Variants in ASMT observed in about 807,000 individuals in gnomAD.
ASMT encodes acetylserotonin N-methyltransferase.
Under a neutral mutation model 41.3 loss-of-function variants are expected in ASMT, and 53 were observed. That is an observed-to-expected ratio of 1.28 (90% confidence interval 1.03 to 1.61). The LOEUF (loss-of-function observed/expected upper bound fraction) is 1.61. Among genes scored for constraint, ASMT ranks in the 40% most tolerant of loss-of-function variants. The probability of loss-of-function intolerance (pLI) is 0.00; values close to 1 mark genes in which losing one functional copy is unlikely to be tolerated. For missense variants in ASMT, 531 were observed against 441.3 expected (o/e 1.20, Z -1.82); for synonymous variants, 231 against 184.8 (o/e 1.25, Z -2.03).
chrX:1,625,104 C>CTTTTTTTTTTTTTTTTTTTTT (rs1330663748), intron 3 of ASMT, among the ~76,000 whole-genome samples: 1 of 127,354 alleles, frequency 7.9e-6, no homozygotes, highest in African/African-American at 3.1e-5. Context: ...CTTTTCTTTT[C>CTTTTTTTTTTTTTTTTTTTTT]TTTCTTTTTT....
intron 1 of ASMT, among the ~76,000 whole-genome samples, chrX:1,618,480 G>C (rs1934219103): frequency 6.7e-6 from 1 of 150,172 alleles, no homozygotes; most frequent in Non-Finnish European, 1.5e-5. Flanking sequence ...TTGTAGTTTT[G>C]GTAGAGATGA....
chrX:1,619,380 C>T (rs1246182811), intron 1 of ASMT, among the ~76,000 whole-genome samples: 18 of 135,062 alleles, frequency 1.3e-4, no homozygotes, highest in Admixed American at 2.3e-4. Context: ...GGGGGCAGAG[C>T]GGGACCCTGT....
intron 3 of ASMT, among the ~76,000 whole-genome samples, chrX:1,625,029 C>T (rs1470476482): frequency 1.8e-4 from 28 of 152,196 alleles, no homozygotes; most frequent in East Asian, 5.8e-4. Flanking sequence ...TCAGGACTAC[C>T]GCCAGGGGCT....
intron 7 of ASMT, among the ~76,000 whole-genome samples, chrX:1,634,657 C>CCT (rs1556129636): frequency 1.4e-4 from 21 of 150,236 alleles, no homozygotes; most frequent in Non-Finnish European, 1.0e-4. Flanking sequence ...GAGTTAACCC[C>CCT]CCCCCTTTTT....
At chrX:1,642,611 A>T (rs1437295937) in intron 8 of ASMT, among the ~76,000 whole-genome samples, 192 bp from the exon 9 acceptor site, 1 of 151,598 alleles carries the variant, frequency 6.6e-6, no homozygotes, top group African/African-American at 2.4e-5. Flanking sequence ...TGATGGGGAC[A>T]GTGTCCCAGC....
chrX:1,636,517 G>A lies in ASMT; in HGVS notation c.867G>A (p.Lys289=), dbSNP rs752979222. The A allele has an allele frequency of 3.7e-5, 60 of 1,613,804 alleles. No homozygotes were observed. The highest frequency in any genetic ancestry group is 4.9e-5 in the Non-Finnish European group (58 of 1,179,870). The change falls in exon 8 of 9, where the codon AAG becomes AAA. Residue 289 remains lysine, a synonymous_variant. Coordinates refer to ENST00000381241, the MANE Select transcript of ASMT (RefSeq NM_001171038.2). ...ARVLHDWADG[K]CSHLLERIYH... ...TCCTCCATGACTGGGCAGACGGAAA[G>A]TGCTCACACCTGCTGGAGAGGATCT...
In ASMT at chrX:1,621,610, G is replaced by A. The variant is rs1167556729; in HGVS notation, c.70-1529G>A. 2.6e-5 allele frequency among the ~76,000 whole-genome samples: 4 copies of A among 151,004 alleles called. No individual in the cohort carries two copies. In the East Asian group the frequency reaches 6.0e-4, roughly 23 times the overall value. On this transcript the variant is annotated intron_variant, in intron 1 of 8. Transcript: ENST00000381241. ...TGGGATTACAGGCGTGAGCTACCAC[G>A]CCTGGCTGATTTATTCATTTTTTAT...
intron 8 of ASMT, among the ~76,000 whole-genome samples, chrX:1,641,684 T>C (rs1935176913): frequency 6.8e-6 from 1 of 146,652 alleles, no homozygotes; most frequent in African/African-American, 2.5e-5. Context: ...ACACAGCCTC[T>C]CTGTGTGAGA....
chrX:1,636,258 C>A, intron 7 of ASMT, 180 bp from the exon 8 acceptor site: 1 of 945,954 alleles, frequency 1.1e-6, no homozygotes, highest in Non-Finnish European at 1.7e-6. Flanking sequence ...CGCCCGACCT[C>A]AGTATTTTCT....
Position 1,642,404 on chromosome X carries a change from T to A in ASMT, c.911-399T>A, listed in dbSNP as rs1298703526. Among the ~76,000 whole-genome samples the A allele has an allele frequency of 3.5e-5, 5 of 143,270 alleles. No individual in the cohort carries two copies. In the East Asian group the frequency reaches 1.1e-3, roughly 30 times the overall value. The allele number at this position is 143,270 out of a possible 152,430, so 94.0% of individuals were successfully genotyped here. On this transcript the variant is annotated intron_variant, in intron 8 of 8. Transcript: ENST00000381241. Reference sequence around the variant, plus strand: ...TGTGAGGTCCACCCATCCTGATGGTTCATGAGGACGTGGGCTCAGCCTCTG... The same window carrying A: ...TGTGAGGTCCACCCATCCTGATGGTACATGAGGACGTGGGCTCAGCCTCTG...
At position 1,636,545 on chromosome X, in the gene ASMT, C is replaced by T; in HGVS notation, c.895C>T (p.His299Tyr). 13 of 1,612,614 alleles carry T rather than the reference C, an allele frequency of 8.1e-6. No homozygotes were observed. Among genetic ancestry groups the T allele is most frequent in the Non-Finnish European group, 1.1e-5 (13 of 1,179,676 alleles). ...KCSHLLERIY[H>Y]TCKPGGGILV... ...CTCACACCTGCTGGAGAGGATCTACCACACTTGCAAGCCAGGTAAGTTGTG... is the reference window on the plus strand; with the variant it reads ...CTCACACCTGCTGGAGAGGATCTACTACACTTGCAAGCCAGGTAAGTTGTG... Residue 299 changes from histidine to tyrosine, a missense_variant, in exon 8 of 9, where the codon CAC (histidine) becomes TAC (tyrosine). Transcript: ENST00000381241.
At chrX:1,624,132 A>G (rs1381871553) in intron 2 of ASMT, 137 bp from the exon 3 acceptor site, 1 of 1,222,512 alleles carries the variant, frequency 8.2e-7, no homozygotes, top group Non-Finnish European at 1.2e-6. Flanking sequence ...GTACAAGGCA[A>G]GAGGAAGACC....
chrX:1,623,764 C>T (rs777563837), intron 2 of ASMT, among the ~76,000 whole-genome samples: 12 of 151,904 alleles, frequency 7.9e-5, no homozygotes, highest in African/African-American at 1.9e-4. Context: ...GATTTCATCA[C>T]GTTGGCCAGG....
At chrX:1,621,604 T>A (rs1406399935) in intron 1 of ASMT, among the ~76,000 whole-genome samples, 1 of 151,180 alleles carries the variant, frequency 6.6e-6, no homozygotes, top group Non-Finnish European at 1.5e-5. Flanking sequence ...AGGCGTGAGC[T>A]ACCACGCCTG....
intron 8 of ASMT, 94 bp downstream of exon 8, chrX:1,636,654 C>A: frequency 6.3e-7 from 1 of 1,597,236 alleles, no homozygotes. Flanking sequence ...AATCATCCCA[C>A]AGGTAAGGGT....
At chrX:1,627,167 A>G (rs1934580553) in intron 3 of ASMT, among the ~76,000 whole-genome samples, 2 of 144,242 alleles carry the variant, frequency 1.4e-5, no homozygotes, top group African/African-American at 5.2e-5. Context: ...TGTACTAAAA[A>G]GTACAAAAAT....
intron 7 of ASMT, 138 bp from the exon 8 acceptor site, chrX:1,636,300 G>A (rs1934959776): frequency 1.6e-6 from 2 of 1,286,810 alleles, no homozygotes; most frequent in Admixed American, 1.7e-5. Context: ...TGTTTTCTGA[G>A]GCTAGGTCTG....
At chrX:1,629,743 CA>C (rs1934698213) in intron 4 of ASMT, 77 bp from the exon 5 acceptor site, 2 of 1,326,042 alleles carry the variant, frequency 1.5e-6, no homozygotes, top group Admixed American at 3.4e-5. Context: ...CCGTTCTCAA[CA>C]GGGGGTTATG....
intron 3 of ASMT, among the ~76,000 whole-genome samples, chrX:1,624,930 G>A (rs1182214032): frequency 7.6e-6 from 1 of 130,910 alleles, no homozygotes; most frequent in African/African-American, 3.1e-5. Flanking sequence ...TGGGAGGTGG[G>A]CGCTGCACCC....
Sources: allele counts gnomAD v4.1 joint callset (sites outside exome capture counted in the v4.1 genomes callset), GRCh38; gene constraint gnomAD v4.1.1; transcripts MANE v1.5; gene names NCBI Gene and HGNC (gene_info 2026-07-23, HGNC 2026-07-21).